Variants in NGLY1 observed in about 807,000 individuals in gnomAD.
The protein encoded by NGLY1 is N-glycanase 1.
NGLY1 carries 68 observed loss-of-function variants against 84.6 expected under a neutral mutation model. The observed-to-expected ratio is 0.80, with a 90% CI of 0.66 to 0.98. The LOEUF (loss-of-function observed/expected upper bound fraction) is 0.98. NGLY1 is among the 50% of genes least tolerant of loss of function. The pLI is 0.00. For missense variants in NGLY1, 779 were observed against 770.2 expected (o/e 1.01, Z -0.14); for synonymous variants, 280 against 275.2 (o/e 1.02, Z -0.17).
chr3:25,762,552 T>G (rs1707367712), intron 3 of NGLY1, among the ~76,000 whole-genome samples: 1 of 152,118 alleles, frequency 6.6e-6, no homozygotes, highest in African/African-American at 2.4e-5. Context: ...CTAGAATGTG[T>G]TTTGCCAACA....
intron 2 of NGLY1, among the ~76,000 whole-genome samples, chr3:25,775,800 G>A (rs775504432): frequency 2.0e-4 from 30 of 152,052 alleles, no homozygotes; most frequent in Non-Finnish European, 3.1e-4. Flanking sequence ...CGGTGACTAC[G>A]GTTAAAAACA....
In NGLY1 at chr3:25,783,209, G is replaced by T; in HGVS notation, c.131+51C>A. 1 of 1,541,058 alleles carries T rather than the reference G, an allele frequency of 6.5e-7. No individual in the cohort carries two copies. Among genetic ancestry groups the T allele is most frequent in the Non-Finnish European group, 8.9e-7 (1 of 1,121,308 alleles). Reference sequence around the variant, plus strand: ...GCCCCAGTCCCTGGCCGAACAAGGTGCCGCGGCCCACCCACCCCGGTACCC... The same window carrying T: ...GCCCCAGTCCCTGGCCGAACAAGGTTCCGCGGCCCACCCACCCCGGTACCC... On this transcript the variant is annotated intron_variant, in intron 1 of 11. Coordinates refer to ENST00000280700, the MANE Select transcript of NGLY1 (RefSeq NM_018297.4). The surrounding 1 kb of genome is among the most constrained non-coding windows in gnomAD (Gnocchi z 4.5).
chr3:25,728,624 C>T (rs1705382133), intron 10 of NGLY1, among the ~76,000 whole-genome samples: 1 of 151,994 alleles, frequency 6.6e-6, no homozygotes, highest in African/African-American at 2.4e-5. Flanking sequence ...TTTTAAGATA[C>T]AGAGAAGAAA....
chr3:25,766,068 CTT>C (rs750093129), intron 2 of NGLY1, among the ~76,000 whole-genome samples: 5 of 144,770 alleles, frequency 3.5e-5, no homozygotes, highest in African/African-American at 5.0e-5. Flanking sequence ...TAGATTAATA[CTT>C]TTTTTTTTTT....
chr3:25,748,389 A>G (rs1706554212), intron 4 of NGLY1, among the ~76,000 whole-genome samples: 1 of 152,148 alleles, frequency 6.6e-6, no homozygotes, highest in East Asian at 1.9e-4. Flanking sequence ...CGACAAGAAC[A>G]CTGGAGGAAT....
In NGLY1 at chr3:25,719,197, A is replaced by G. The variant is rs1441887770; in HGVS notation, c.*263T>C. The stretch of plus-strand genomic sequence containing the variant: ...ATCATTATTTAACTTTTAAAACCAT[A>G]CTTACAGTTTTAGATTAAAATCCCA... On this transcript the variant is annotated 3_prime_UTR_variant, in exon 12 of 12. Transcript: ENST00000280700. The G allele has an allele frequency of 3.5e-6, 1 of 284,174 alleles. No homozygotes were observed. Among genetic ancestry groups the G allele is most frequent in the Non-Finnish European group, 6.5e-6 (1 of 153,774 alleles). The allele number at this position is 284,174 out of a possible 1,614,324, so 17.6% of individuals were successfully genotyped here. A position where few individuals can be genotyped will look rare whatever the true frequency, so the allele number is the denominator to read the frequency against.
intron 4 of NGLY1, among the ~76,000 whole-genome samples, 164 bp downstream of exon 4, chr3:25,750,934 G>C (rs907790090): frequency 5.9e-5 from 9 of 152,110 alleles, no homozygotes; most frequent in African/African-American, 2.2e-4. Context: ...TCCGTATATG[G>C]GTTTTGCATC....
At chr3:25,760,842 A>C in intron 3 of NGLY1, among the ~76,000 whole-genome samples, 1 of 79,314 alleles carries the variant, frequency 1.3e-5, no homozygotes, top group East Asian at 5.0e-4. Context: ...CCTGGGCAAC[A>C]AGAGTGAAAC....
intron 3 of NGLY1, among the ~76,000 whole-genome samples, chr3:25,753,302 G>A (rs1261280166): frequency 6.6e-6 from 1 of 152,138 alleles, no homozygotes; most frequent in African/African-American, 2.4e-5. Flanking sequence ...TTCATTCCCA[G>A]TTAAACTAAT....
intron 3 of NGLY1, among the ~76,000 whole-genome samples, chr3:25,763,694 T>C (rs1250073988): frequency 4.6e-5 from 7 of 152,232 alleles, no homozygotes; most frequent in Non-Finnish European, 1.0e-4. Flanking sequence ...TTCACAAGTA[T>C]ATATGGTGTA....
chr3:25,719,427 A>C lies in NGLY1; in HGVS notation c.*33T>G. The C allele has an allele frequency of 6.2e-7, 1 of 1,601,154 alleles. No homozygotes were observed. The highest frequency in any genetic ancestry group is 8.5e-7 in the Non-Finnish European group (1 of 1,169,868). On this transcript the variant is annotated 3_prime_UTR_variant, in exon 12 of 12. Coordinates refer to ENST00000280700, the MANE Select transcript of NGLY1 (RefSeq NM_018297.4). ...AACAGACTACTTCAGTAAGTCCTTG[A>C]TTATTGCCAGCTTTTCTATAATGTT... is the stretch of plus-strand genomic sequence containing the variant.
chr3:25,783,672 T>G, upstream of NGLY1: 1 of 245,794 alleles, frequency 4.1e-6, no homozygotes, highest in Non-Finnish European at 7.3e-6. The surrounding 1 kb of genome is among the most constrained non-coding windows in gnomAD (Gnocchi z 4.5). Flanking sequence ...GAGCTACGGC[T>G]GCCCCTTCGC....
chr3:25,778,601 T>C lies in NGLY1; in HGVS notation c.219A>G (p.Glu73=). 3 of 1,611,126 alleles carry C rather than the reference T, an allele frequency of 1.9e-6. No individual in the cohort carries two copies. Among genetic ancestry groups the C allele is most frequent in the Non-Finnish European group, 2.5e-6 (3 of 1,178,326 alleles). ...CTTCAAAGCCCATTTCAAATAAACA[T>C]TCAACAGCTCCTCTGACAGGCAAGA... ...TRLLPVRGAV[E]CLFEMGFEEG... is the part of the protein sequence containing the mutation. Residue 73 remains glutamate, a synonymous_variant, in exon 2 of 12, where the codon GAA becomes GAG. Coordinates refer to ENST00000280700, the MANE Select transcript of NGLY1 (RefSeq NM_018297.4).
chr3:25,771,546 T>A (rs1707891427), intron 2 of NGLY1, among the ~76,000 whole-genome samples: 1 of 152,112 alleles, frequency 6.6e-6, no homozygotes, highest in Non-Finnish European at 1.5e-5. Flanking sequence ...TTTAGGACTG[T>A]TTTTTTCTAG....
chr3:25,719,494 C>T lies in NGLY1; in HGVS notation c.1931G>A (p.Cys644Tyr), dbSNP rs139377441. The change falls in exon 12 of 12, where the codon TGT (cysteine) becomes TAT (tyrosine). Residue 644 changes from cysteine (C) to tyrosine (Y), a missense_variant. Physicochemically the swap from Cys to Tyr is radical, Grantham distance 194. Coordinates refer to ENST00000280700, the MANE Select transcript of NGLY1 (RefSeq NM_018297.4). ...RQSLNDHEEN[C>Y]LEIIIKFSDL ...ACTGAATTTTATAATTATCTCCAAA[C>T]AATTTTCTTCATGGTCATTTAAGCT... 1.2e-6 allele frequency: 2 copies of T among 1,613,686 alleles called. No homozygotes were observed. The highest frequency in any genetic ancestry group is 1.1e-5 in the South Asian group (1 of 91,062).
At chr3:25,742,311 C>T (rs1459075398) in intron 4 of NGLY1, among the ~76,000 whole-genome samples, 1 of 152,112 alleles carries the variant, frequency 6.6e-6, no homozygotes, top group African/African-American at 2.4e-5. Flanking sequence ...ATGGAAACAA[C>T]CTCTATGTCC....
chr3:25,741,782 G>C (rs1244256037), intron 4 of NGLY1, among the ~76,000 whole-genome samples: 2 of 151,994 alleles, frequency 1.3e-5, no homozygotes, highest in African/African-American at 4.8e-5. Context: ...CTTGAGGTCA[G>C]GAGTTGGAGA....
chr3:25,733,548 G>C (rs1254514269), intron 8 of NGLY1, among the ~76,000 whole-genome samples: 1 of 150,812 alleles, frequency 6.6e-6, no homozygotes, highest in South Asian at 2.1e-4. Flanking sequence ...ATATGAGTCT[G>C]TGTCATATCC....
intron 3 of NGLY1, among the ~76,000 whole-genome samples, chr3:25,762,454 T>C (rs553673697): frequency 1.3e-5 from 2 of 152,314 alleles, no homozygotes; most frequent in Non-Finnish European, 2.9e-5. Context: ...ACAGAAGATA[T>C]TTTGTGTGAA....
Sources: allele counts gnomAD v4.1 joint callset (sites outside exome capture counted in the v4.1 genomes callset), GRCh38; gene constraint gnomAD v4.1.1; non-coding constraint Gnocchi (gnomAD v3.1); transcripts MANE v1.5; gene names NCBI Gene and HGNC (gene_info 2026-07-23, HGNC 2026-07-21).